Variants in PKHD1 observed in about 807,000 individuals in gnomAD.
PKHD1 encodes the protein PKHD1 ciliary IPT domain containing fibrocystin/polyductin, also known as fibrocystin.
In PKHD1, 291 loss-of-function variants were observed where a neutral mutation model predicts 412.0. That is an observed-to-expected ratio of 0.71 (90% CI 0.64 to 0.78). The LOEUF (loss-of-function observed/expected upper bound fraction) is 0.78. Ranked by LOEUF, PKHD1 falls within the 30% of genes least tolerant of loss-of-function variation. PKHD1 has a pLI of 0.00. For missense variants in PKHD1, 4,825 were observed against 4,950.7 expected, an observed-to-expected ratio of 0.97 and a Z score of 0.76; for synonymous variants, 1,777 against 1,821.5, an observed-to-expected ratio of 0.98 and a Z score of 0.62.
At chr6:51,940,356 G>A (rs1033349158) in intron 36 of PKHD1, among the ~76,000 whole-genome samples, 9 of 151,622 alleles carry the variant, frequency 5.9e-5, no homozygotes, top group Admixed American at 1.3e-4. Context: ...TCCACTGTGA[G>A]ACAAACCCCA....
intron 61 of PKHD1, among the ~76,000 whole-genome samples, chr6:51,651,852 C>T (rs182217346): frequency 7.2e-5 from 11 of 152,172 alleles, no homozygotes; most frequent in African/African-American, 2.6e-4. Flanking sequence ...TTCCAGTGTC[C>T]GTTGCTGTGA....
intron 52 of PKHD1, among the ~76,000 whole-genome samples, chr6:51,826,771 A>C (rs1443211596): frequency 1.3e-5 from 2 of 152,160 alleles, no homozygotes; most frequent in African/African-American, 2.4e-5. Context: ...GTTCTTTCAA[A>C]ATCCAATGTC....
chr6:51,939,160 C>T (rs1477661560), intron 36 of PKHD1, among the ~76,000 whole-genome samples: 3 of 151,026 alleles, frequency 2.0e-5, no homozygotes, highest in South Asian at 2.1e-4. Flanking sequence ...GGGGCAAGGA[C>T]CCCCCTGACC....
At chr6:51,708,102 C>A (rs1413287153) in intron 60 of PKHD1, among the ~76,000 whole-genome samples, 1 of 152,112 alleles carries the variant, frequency 6.6e-6, no homozygotes, top group South Asian at 2.1e-4. Context: ...CTATCATATA[C>A]CTCATATTCA....
At chr6:51,890,238 C>T (rs1236312157) in intron 43 of PKHD1, among the ~76,000 whole-genome samples, 1 of 152,220 alleles carries the variant, frequency 6.6e-6, no homozygotes, top group Non-Finnish European at 1.5e-5. Context: ...GAGCCAGCTC[C>T]ATCCAAGTCC....
chr6:52,061,484 A>C (rs1014142753), intron 14 of PKHD1, among the ~76,000 whole-genome samples: 1 of 152,086 alleles, frequency 6.6e-6, no homozygotes, highest in African/African-American at 2.4e-5. Context: ...TGCCACTTTA[A>C]AACCATAAAC....
In PKHD1 at chr6:51,744,434, A is replaced by G. The variant is rs751060411; in HGVS notation, c.10107T>C (p.Ser3369=). Reference sequence around the variant, plus strand: ...ATTCTGCCTCTGTTTTAGGAAATACAGAAACTGGTGGAGGCAGACCCAGGG... The same window carrying G: ...ATTCTGCCTCTGTTTTAGGAAATACGGAAACTGGTGGAGGCAGACCCAGGG... ...GRALGLPPPV[S]VFPKTEAEWT... The change falls in exon 60 of 67, where the codon TCT becomes TCC. Residue 3369 remains serine (S), a synonymous_variant. Transcript: ENST00000371117. 2 of 1,613,936 alleles carry G rather than the reference A, an allele frequency of 1.2e-6. No homozygotes were observed. Among genetic ancestry groups the G allele is most frequent in the Non-Finnish European group, 1.7e-6 (2 of 1,179,796 alleles).
intron 15 of PKHD1, among the ~76,000 whole-genome samples, 158 bp from the exon 16 acceptor site, chr6:52,058,759 G>A (rs1808201440): frequency 1.4e-5 from 2 of 142,714 alleles, no homozygotes; most frequent in South Asian, 4.6e-4. Context: ...GGTTATTTAT[G>A]CTTCTCCAGC....
chr6:51,986,296 A>T (rs1185917632), intron 35 of PKHD1, among the ~76,000 whole-genome samples: 2 of 152,220 alleles, frequency 1.3e-5, no homozygotes, highest in Non-Finnish European at 2.9e-5. Context: ...CACAATATCC[A>T]CACACCAAAC....
rs762605946 is a variant in PKHD1 at position 51,747,880 on chromosome 6, G to C, written c.9736C>G (p.Pro3246Ala). ...PRGGRIGILWPVFTSEPNQWP... is the reference protein window; with the variant it reads ...PRGGRIGILWAVFTSEPNQWP... The stretch of plus-strand genomic sequence containing the variant: ...TGATTTGGTTCTGAGGTGAATACAG[G>C]CCACAGAATACCAATTCGACCTCCT... The change falls in exon 58 of 67, where the codon CCT becomes GCT. Residue 3246 changes from proline to alanine, a missense_variant. Coordinates refer to ENST00000371117, the MANE Select transcript of PKHD1 (RefSeq NM_138694.4). 6.2e-7 allele frequency: 1 copy of C among 1,613,520 alleles called. No homozygotes were observed. The highest frequency in any genetic ancestry group is 2.2e-5 in the East Asian group (1 of 44,856).
At chr6:51,745,752 T>C (rs1437996052) in intron 59 of PKHD1, among the ~76,000 whole-genome samples, 2 of 152,160 alleles carry the variant, frequency 1.3e-5, no homozygotes, top group African/African-American at 4.8e-5. Context: ...ATCCAGTCTG[T>C]GGTACTTTGT....
chr6:51,908,783 C>T (rs753398815), intron 40 of PKHD1, among the ~76,000 whole-genome samples: 15 of 152,088 alleles, frequency 9.9e-5, no homozygotes, highest in Non-Finnish European at 7.4e-5. Context: ...TGGGTTTCAG[C>T]CCATTCCCCC....
At chr6:51,658,045 C>G (rs965255787) in intron 61 of PKHD1, among the ~76,000 whole-genome samples, 1 of 152,034 alleles carries the variant, frequency 6.6e-6, no homozygotes, top group Non-Finnish European at 1.5e-5. Flanking sequence ...TCAATGTAAG[C>G]TAAGATGCAT....
chr6:51,819,832 C>G lies in PKHD1; in HGVS notation c.8302+11029G>C, dbSNP rs1253638106. 3.9e-5 allele frequency among the ~76,000 whole-genome samples: 6 copies of G among 152,108 alleles called. No homozygotes were observed. The East Asian group carries it at 1.2e-3, about 29-fold the overall frequency. On this transcript the variant is annotated intron_variant, in intron 52 of 66. Transcript: ENST00000371117. ...AGGGGTTTTAATCTCTTTTAGCTCT[C>G]TTGGATGGCATTTGGACCATTAGCT...
At chr6:52,061,855 CT>C (rs1808726079) in intron 14 of PKHD1, among the ~76,000 whole-genome samples, 1 of 152,076 alleles carries the variant, frequency 6.6e-6, no homozygotes. Context: ...TGAGAACACA[CT>C]AAGGAAACAG....
At chr6:51,950,266 G>A (rs1044225729) in intron 36 of PKHD1, among the ~76,000 whole-genome samples, 1 of 139,146 alleles carries the variant, frequency 7.2e-6, no homozygotes, top group Non-Finnish European at 1.5e-5. Context: ...ACTCAGAGCT[G>A]CAAACAATAG....
chr6:51,869,664 G>C (rs1030334644), intron 47 of PKHD1, among the ~76,000 whole-genome samples: 2 of 151,960 alleles, frequency 1.3e-5, no homozygotes, highest in African/African-American at 4.8e-5. Flanking sequence ...AGATATTAAA[G>C]AATTGAGGAA....
intron 60 of PKHD1, among the ~76,000 whole-genome samples, chr6:51,697,834 C>T (rs1410190413): frequency 6.6e-6 from 1 of 152,192 alleles, no homozygotes; most frequent in Non-Finnish European, 1.5e-5. Context: ...ATTTCAATTC[C>T]TGGGCATTTG....
rs138360112 is a variant in PKHD1, at chr6:51,632,621, G to A, written c.11609C>T (p.Ser3870Leu). ...CACCAGACAGCTCAGAGCCAGCCAT[G>A]AGGCCACAGAGGACAGGGAAGCAGC... ...ILAASLSSVA[S>L]WLALSCLVCC... is the part of the protein sequence containing the mutation. The change falls in exon 65 of 67, where the codon TCA (serine) becomes TTA (leucine). Residue 3870 changes from serine to leucine, a missense_variant. Ser to Leu is a moderately radical substitution (Grantham distance 145). Coordinates refer to ENST00000371117, the MANE Select transcript of PKHD1 (RefSeq NM_138694.4). The A allele has an allele frequency of 1.9e-6, 3 of 1,613,270 alleles. No individual in the cohort carries two copies. The highest frequency in any genetic ancestry group is 2.5e-6 in the Non-Finnish European group (3 of 1,179,610).
Sources: allele counts gnomAD v4.1 joint callset (sites outside exome capture counted in the v4.1 genomes callset), GRCh38; gene constraint gnomAD v4.1.1; transcripts MANE v1.5; gene names NCBI Gene and HGNC (gene_info 2026-07-23, HGNC 2026-07-21).